Variants in ERBB4 observed in about 807,000 individuals in gnomAD.
The protein encoded by ERBB4 is erb-b2 receptor tyrosine kinase 4.
Under a neutral mutation model 158.0 loss-of-function variants are expected in ERBB4, and 42 were observed. The observed-to-expected ratio is 0.27, with a 90% CI of 0.21 to 0.34. The LOEUF (loss-of-function observed/expected upper bound fraction) is 0.34. ERBB4 is among the 10% of genes least tolerant of loss of function. The pLI is 1.00. For synonymous variants in ERBB4, 583 were observed against 558.7 expected, an observed-to-expected ratio of 1.04 and a Z score of -0.61; for missense variants, 1,333 against 1,624.1, an observed-to-expected ratio of 0.82 and a Z score of 3.08.
At chr2:211,690,293 C>T (rs2072753611) in intron 12 of ERBB4, among the ~76,000 whole-genome samples, 1 of 152,026 alleles carries the variant, frequency 6.6e-6, no homozygotes, top group Non-Finnish European at 1.5e-5. Context: ...GGTTTGCTAT[C>T]TTCTCCCTCT....
chr2:212,262,525 A>T (rs6761079), intron 1 of ERBB4, among the ~76,000 whole-genome samples: 4,399 of 152,282 alleles, frequency 0.029, 212 homozygotes, highest in African/African-American at 0.1. Flanking sequence ...TTTATATCAT[A>T]ATTTTAGAAA....
intron 4 of ERBB4, among the ~76,000 whole-genome samples, chr2:211,765,350 T>C (rs915998757): frequency 6.6e-6 from 1 of 152,162 alleles, no homozygotes; most frequent in African/African-American, 2.4e-5. Flanking sequence ...GTAGGAGGGA[T>C]AGGAAGAGAG....
At chr2:211,906,264 T>C (rs2079390107) in intron 3 of ERBB4, among the ~76,000 whole-genome samples, 1 of 152,118 alleles carries the variant, frequency 6.6e-6, no homozygotes. Context: ...ATATTTAATA[T>C]AAATGGAGTG....
At chr2:211,987,341 A>AAAAAAAAAG (rs1215048952) in intron 2 of ERBB4, among the ~76,000 whole-genome samples, 15,295 of 123,966 alleles carry the variant, frequency 0.12, 1,482 homozygotes, top group South Asian at 0.32. Context: ...AAAAAAAAAA[A>AAAAAAAAAG]AAAGAAAGAA....
At chr2:211,661,919 G>T (rs1225552681) in intron 15 of ERBB4, among the ~76,000 whole-genome samples, 2 of 147,064 alleles carry the variant, frequency 1.4e-5, no homozygotes, top group African/African-American at 5.0e-5. Context: ...GGCGCCTGTA[G>T]TCCCAGCTAC....
intron 19 of ERBB4, among the ~76,000 whole-genome samples, chr2:211,592,370 A>T (rs1001795421): frequency 6.6e-6 from 1 of 152,182 alleles, no homozygotes; most frequent in Non-Finnish European, 1.5e-5. Context: ...CTCTTAGCTA[A>T]GGGAGAGTCA....
At chr2:212,005,840 C>T (rs1431357129) in intron 2 of ERBB4, among the ~76,000 whole-genome samples, 1 of 152,154 alleles carries the variant, frequency 6.6e-6, no homozygotes, top group African/African-American at 2.4e-5. Context: ...AATCCCAGCA[C>T]TTTGGGAGTC....
chr2:211,389,105 G>A lies in ERBB4; in HGVS notation c.3136-1113C>T, dbSNP rs557239719. On this transcript the variant is annotated intron_variant, in intron 25 of 27. Coordinates refer to ENST00000342788, the MANE Select transcript of ERBB4 (RefSeq NM_005235.3). ...GGCTGGAGTGCAGTGGTGCAATCTCGGCTCACTGCAAGCTCCGCCTCCCGG... is the reference window on the plus strand; with the variant it reads ...GGCTGGAGTGCAGTGGTGCAATCTCAGCTCACTGCAAGCTCCGCCTCCCGG... Among the ~76,000 whole-genome samples the A allele has an allele frequency of 1.4e-4, 21 of 152,132 alleles. No homozygotes were observed. In the East Asian group the frequency reaches 2.9e-3, roughly 21 times the overall value.
At chr2:212,469,150 T>C (rs1446162224) in intron 1 of ERBB4, among the ~76,000 whole-genome samples, 1 of 152,208 alleles carries the variant, frequency 6.6e-6, no homozygotes, top group Non-Finnish European at 1.5e-5. Flanking sequence ...AATCTACATA[T>C]AATACAGTGA....
intron 19 of ERBB4, among the ~76,000 whole-genome samples, chr2:211,584,489 A>C (rs1284146914): frequency 6.6e-6 from 1 of 152,096 alleles, no homozygotes; most frequent in Non-Finnish European, 1.5e-5. Context: ...TGTGTAATGG[A>C]GCAACTTTAT....
At chr2:211,636,116 TAA>T (rs200202771) in intron 16 of ERBB4, among the ~76,000 whole-genome samples, 1 of 151,072 alleles carries the variant, frequency 6.6e-6, no homozygotes, top group African/African-American at 2.4e-5. Context: ...TGTGTTTTTT[TAA>T]AAAAAAAGTA....
chr2:211,738,242 T>C (rs2074668595), intron 5 of ERBB4, among the ~76,000 whole-genome samples: 1 of 152,164 alleles, frequency 6.6e-6, no homozygotes, highest in Admixed American at 6.6e-5. Flanking sequence ...ATAAGTAATG[T>C]CAAGTATTTT....
At chr2:211,491,021 CCT>C (rs1272998416) in intron 20 of ERBB4, among the ~76,000 whole-genome samples, 1 of 152,036 alleles carries the variant, frequency 6.6e-6, no homozygotes, top group Non-Finnish European at 1.5e-5. Context: ...CTGCTAGGAT[CCT>C]AATGCGATGC....
In ERBB4 at chr2:212,492,930, A is replaced by C. The variant is rs546924458; in HGVS notation, c.82+45519T>G. Reference sequence around the variant, plus strand: ...TCCATACAGTAGTCATTTATTAAATATTTTACAGAAGAATCAGTTTCAATT... The same window carrying C: ...TCCATACAGTAGTCATTTATTAAATCTTTTACAGAAGAATCAGTTTCAATT... On this transcript the variant is annotated intron_variant, in intron 1 of 27. Coordinates refer to ENST00000342788, the MANE Select transcript of ERBB4 (RefSeq NM_005235.3). 3.3e-5 allele frequency among the ~76,000 whole-genome samples: 5 copies of C among 151,640 alleles called. No individual in the cohort carries two copies. The South Asian group carries it at 1.0e-3, about 31-fold the overall frequency.
At chr2:212,438,453 CTG>C (rs138605884) in intron 1 of ERBB4, among the ~76,000 whole-genome samples, 8,908 of 152,028 alleles carry the variant, frequency 0.059, 713 homozygotes, top group African/African-American at 0.19. Flanking sequence ...AAGCATAATG[CTG>C]TGTGTGTTGT....
chr2:212,127,953 G>T (rs942092505), intron 1 of ERBB4, among the ~76,000 whole-genome samples: 2 of 152,154 alleles, frequency 1.3e-5, no homozygotes, highest in Non-Finnish European at 2.9e-5. Flanking sequence ...GACAGTGAGA[G>T]AATAAATCGC....
chr2:212,445,438 A>T (rs190916260), intron 1 of ERBB4, among the ~76,000 whole-genome samples: 10 of 152,248 alleles, frequency 6.6e-5, no homozygotes, highest in Non-Finnish European at 1.3e-4. Context: ...TGCCACCAGG[A>T]GACACAACAA....
chr2:211,623,624 A>G (rs1040040451), intron 18 of ERBB4, among the ~76,000 whole-genome samples: 1 of 152,142 alleles, frequency 6.6e-6, no homozygotes, highest in Non-Finnish European at 1.5e-5. Context: ...TAGTTGGATA[A>G]AAATAGAAAT....
chr2:212,388,022 CAT>C (rs1468618890), intron 1 of ERBB4, among the ~76,000 whole-genome samples: 1 of 151,944 alleles, frequency 6.6e-6, no homozygotes, highest in Non-Finnish European at 1.5e-5. Context: ...AATATTATAA[CAT>C]ATTGCAAGCA....
Sources: allele counts gnomAD v4.1 joint callset (sites outside exome capture counted in the v4.1 genomes callset), GRCh38; gene constraint gnomAD v4.1.1; transcripts MANE v1.5; gene names NCBI Gene and HGNC (gene_info 2026-07-23, HGNC 2026-07-21).